Variants in TRIM38 observed in about 807,000 individuals in gnomAD.
TRIM38 encodes tripartite motif containing 38.
TRIM38 carries 35 observed loss-of-function variants against 35.8 expected under a neutral mutation model. The ratio of observed to expected loss-of-function variants is 0.98; its 90% CI spans 0.75 to 1.30. TRIM38 has a LOEUF of 1.30. Ranked by LOEUF, TRIM38 falls within the 50% of genes most tolerant of loss-of-function variation. The probability of loss-of-function intolerance (pLI) is 0.00; values close to 1 mark genes in which losing one functional copy is unlikely to be tolerated. For synonymous variants in TRIM38, 198 were observed against 204.7 expected (o/e 0.97, Z 0.28); for missense variants, 545 against 556.9 (o/e 0.98, Z 0.21).
chr6:25,978,930 C>A (rs975447046), intron 7 of TRIM38, among the ~76,000 whole-genome samples: 7 of 152,118 alleles, frequency 4.6e-5, no homozygotes, highest in African/African-American at 1.4e-4. Context: ...AGCCTCCCAA[C>A]GTGCTGGGAT....
At chr6:25,977,112 T>C (rs1760417943) in intron 7 of TRIM38, among the ~76,000 whole-genome samples, 1 of 152,268 alleles carries the variant, frequency 6.6e-6, no homozygotes, top group Admixed American at 6.5e-5. Context: ...ATTTTCATCC[T>C]GTTTTTTGAT....
chr6:25,965,677 G>A (rs1364542247), intron 2 of TRIM38, among the ~76,000 whole-genome samples: 1 of 151,148 alleles, frequency 6.6e-6, no homozygotes, highest in African/African-American at 2.4e-5. Flanking sequence ...TGTAATCCTG[G>A]CACTTTGGGA....
intron 7 of TRIM38, among the ~76,000 whole-genome samples, chr6:25,979,084 T>C (rs984349885): frequency 6.6e-6 from 1 of 152,042 alleles, no homozygotes; most frequent in African/African-American, 2.4e-5. Context: ...ACACTATACA[T>C]ATATAATATG....
Position 25,986,200 on chromosome 6 carries a change from A to G in TRIM38, c.*2513A>G, listed in dbSNP as rs906943785. 6.6e-6 allele frequency: 1 copy of G among 152,218 alleles called. No homozygotes were observed. Among genetic ancestry groups the G allele is most frequent in the East Asian group, 1.9e-4 (1 of 5,206 alleles). The allele number at this position is 152,218 out of a possible 1,614,324, so 9.4% of individuals were successfully genotyped here. A position where few individuals can be genotyped will look rare whatever the true frequency, so the allele number is the denominator to read the frequency against. On this transcript the variant is annotated 3_prime_UTR_variant, in exon 8 of 8. Transcript: ENST00000357085. ...TGACCCAAGAAGGGAAAGAAAATCT[A>G]AACAGACTGATAAATACAAAATGAA...
At chr6:25,982,378 C>T (rs1037422770) in intron 7 of TRIM38, among the ~76,000 whole-genome samples, 5 of 152,246 alleles carry the variant, frequency 3.3e-5, no homozygotes, top group African/African-American at 1.2e-4. Context: ...TTTACCCTCA[C>T]GTCCTCACCA....
rs147480501 is a variant in TRIM38 at position 25,985,358 on chromosome 6, C to G, written c.*1671C>G. ...CCCACAATTTACTGCACTAGAAACT[C>G]AAAGTCCTTTTCGTCTTCCTTGTCA... On this transcript the variant is annotated 3_prime_UTR_variant, in exon 8 of 8. Transcript: ENST00000357085. 6.7e-6 allele frequency: 1 copy of G among 150,158 alleles called. No homozygotes were observed. Among genetic ancestry groups the G allele is most frequent in the African/African-American group, 2.4e-5 (1 of 40,884 alleles). 9.3% of individuals were successfully genotyped at this position (150,158 alleles called of 1,614,324 possible).
intron 7 of TRIM38, chr6:25,973,623 A>C: frequency 1.0e-6 from 1 of 982,804 alleles, no homozygotes; most frequent in Non-Finnish European, 1.2e-6. Flanking sequence ...ACATGTACAA[A>C]GTGCTTAGCC....
At chr6:25,973,335 G>T in intron 7 of TRIM38, 50 bp downstream of exon 7, 1 of 1,588,554 alleles carries the variant, frequency 6.3e-7, no homozygotes, top group Non-Finnish European at 8.6e-7. Flanking sequence ...GGGGCCTTAT[G>T]CAGTAACCAA....
chr6:25,982,323 AT>A (rs1561902889), intron 7 of TRIM38, among the ~76,000 whole-genome samples: 1 of 152,178 alleles, frequency 6.6e-6, no homozygotes, highest in Non-Finnish European at 1.5e-5. Flanking sequence ...GCTACGCTTA[AT>A]GCACCACTAC....
chr6:25,968,691 T>A (rs1461515698), intron 3 of TRIM38, among the ~76,000 whole-genome samples: 1 of 152,228 alleles, frequency 6.6e-6, no homozygotes, highest in Non-Finnish European at 1.5e-5. Flanking sequence ...TCACTTTCAA[T>A]AGAAATATGA....
At chr6:25,974,979 T>A in intron 7 of TRIM38, 2 of 985,194 alleles carry the variant, frequency 2.0e-6, no homozygotes, top group Non-Finnish European at 2.4e-6. Context: ...CTCTCATCTT[T>A]TACAGAAGGA....
Position 25,971,907 on chromosome 6 carries a change from C to CT in TRIM38, c.549dup (p.Lys184Ter). 6.2e-7 allele frequency: 1 copy of CT among 1,614,160 alleles called. No individual in the cohort carries two copies. The highest frequency in any genetic ancestry group is 8.5e-7 in the Non-Finnish European group (1 of 1,180,008). On this transcript the variant is annotated frameshift_variant, in exon 5 of 8. Coordinates refer to ENST00000357085, the MANE Select transcript of TRIM38 (RefSeq NM_006355.5). LOFTEE classifies it high-confidence loss of function. ...TTCAGAGACAAAAAATCCGGTCTGA[C>CT]TTTAAGAATCTCCAGTGTTTCCTAC... is the stretch of plus-strand genomic sequence containing the variant.
At chr6:25,979,210 A>G (rs1760480711) in intron 7 of TRIM38, among the ~76,000 whole-genome samples, 1 of 151,990 alleles carries the variant, frequency 6.6e-6, no homozygotes, top group Non-Finnish European at 1.5e-5. Context: ...TATTTTGTGC[A>G]GGAGTTCTAT....
At chr6:25,968,543 A>G (rs1760130666) in intron 3 of TRIM38, among the ~76,000 whole-genome samples, 1 of 152,258 alleles carries the variant, frequency 6.6e-6, no homozygotes, top group African/African-American at 2.4e-5. Flanking sequence ...GGACAATGTC[A>G]TCTTTTGCTA....
chr6:25,982,451 C>A (rs1369475662), intron 7 of TRIM38, among the ~76,000 whole-genome samples: 2 of 152,158 alleles, frequency 1.3e-5, no homozygotes, highest in African/African-American at 2.4e-5. Context: ...GCCTTTGCAG[C>A]CTCCAATCTA....
intron 4 of TRIM38, 40 bp from the exon 5 acceptor site, chr6:25,971,829 G>C (rs926533115): frequency 1.3e-6 from 2 of 1,538,896 alleles, no homozygotes; most frequent in African/African-American, 2.7e-5. Flanking sequence ...ATGGACATTT[G>C]GTTTACTTCC....
intron 7 of TRIM38, among the ~76,000 whole-genome samples, chr6:25,982,180 T>C (rs1189509871): frequency 2.0e-5 from 3 of 152,166 alleles, no homozygotes; most frequent in African/African-American, 7.2e-5. Context: ...GCTCAGGGCA[T>C]AAAACCCCTC....
Position 25,983,260 on chromosome 6 carries a change from A to G in TRIM38, c.971A>G (p.Asp324Gly). The G allele has an allele frequency of 6.2e-7, 1 of 1,614,166 alleles. No homozygotes were observed. The highest frequency in any genetic ancestry group is 8.5e-7 in the Non-Finnish European group (1 of 1,180,016). ...CGTGGATACACCCAGGAGAATCAGG[A>G]CACATCTTCCAGGAGATTTACTGCC... ...VTRGYTQENQ[D>G]TSSRRFTAFP... is the part of the protein sequence containing the mutation. Residue 324 changes from aspartate (D) to glycine (G), a missense_variant, in exon 8 of 8, where the codon GAC (aspartate) becomes GGC (glycine). Physicochemically the swap from Asp to Gly is moderately conservative, Grantham distance 94. Coordinates refer to ENST00000357085, the MANE Select transcript of TRIM38 (RefSeq NM_006355.5).
At chr6:25,981,587 T>C (rs139775598) in intron 7 of TRIM38, among the ~76,000 whole-genome samples, 44 of 152,368 alleles carry the variant, frequency 2.9e-4, no homozygotes, top group East Asian at 1.5e-3. Context: ...TGTTTGATTC[T>C]AGTCTGATAT....
Sources: allele counts gnomAD v4.1 joint callset (sites outside exome capture counted in the v4.1 genomes callset), GRCh38; gene constraint gnomAD v4.1.1; transcripts MANE v1.5; gene names NCBI Gene and HGNC (gene_info 2026-07-23, HGNC 2026-07-21).